OSBPL11: variants seen among roughly 807,000 people sequenced by gnomAD.
OSBPL11 encodes oxysterol-binding protein-related protein 11.
OSBPL11 carries 33 observed loss-of-function variants against 84.4 expected under a neutral mutation model. That is an observed-to-expected ratio of 0.39 (90% CI 0.30 to 0.52). The LOEUF (loss-of-function observed/expected upper bound fraction) is 0.52, where lower values mean the gene tolerates loss of function less well. Ranked by LOEUF, OSBPL11 falls within the 20% of genes least tolerant of loss-of-function variation. The pLI, the probability that OSBPL11 is intolerant of heterozygous loss-of-function variation, is 0.72. For missense variants in OSBPL11, 736 were observed against 901.1 expected (o/e 0.82, Z 2.35); for synonymous variants, 276 against 310.2 (o/e 0.89, Z 1.16).
intron 1 of OSBPL11, among the ~76,000 whole-genome samples, chr3:125,589,525 G>T (rs771974201): frequency 1.3e-5 from 2 of 150,574 alleles, no homozygotes; most frequent in African/African-American, 4.9e-5. Context: ...TCTTTCTCTT[G>T]TTTTTACCAG....
At chr3:125,532,043 A>T (rs1416177237) in intron 11 of OSBPL11, 29 bp from the exon 12 acceptor site, 2 of 1,587,200 alleles carry the variant, frequency 1.3e-6, no homozygotes, top group African/African-American at 2.7e-5. Flanking sequence ...ACATTTTACA[A>T]GCATTCTTTA....
chr3:125,555,564 A>C (rs1326381490), intron 8 of OSBPL11, among the ~76,000 whole-genome samples: 1 of 152,228 alleles, frequency 6.6e-6, no homozygotes, highest in Non-Finnish European at 1.5e-5. Context: ...CAATACCAAG[A>C]CATGATAAAG....
chr3:125,557,151 T>A (rs767705126), intron 8 of OSBPL11, among the ~76,000 whole-genome samples: 1 of 152,194 alleles, frequency 6.6e-6, no homozygotes, highest in South Asian at 2.1e-4. Flanking sequence ...TGTGTTTATA[T>A]AATTTCATAA....
chr3:125,580,366 T>G (rs572353580), intron 2 of OSBPL11, among the ~76,000 whole-genome samples: 1 of 151,744 alleles, frequency 6.6e-6, no homozygotes, highest in East Asian at 1.9e-4. Context: ...AATACAAAAT[T>G]AGCCAGGTGT....
intron 1 of OSBPL11, among the ~76,000 whole-genome samples, chr3:125,585,475 G>C (rs1017073839): frequency 2.0e-5 from 3 of 150,076 alleles, no homozygotes; most frequent in African/African-American, 7.3e-5. Context: ...GTAATGTTCT[G>C]TTTAATTTTC....
Position 125,534,877 on chromosome 3 carries a change from G to A in OSBPL11, c.2025-2863C>T, listed in dbSNP as rs1351866450. On this transcript the variant is annotated intron_variant, in intron 11 of 12. Coordinates refer to ENST00000296220, the MANE Select transcript of OSBPL11 (RefSeq NM_022776.5). ...TGGGAGAGGCTATTTGGTCCACTAA[G>A]GCTAAAATATTAATTGGCCTTTTAC... is the stretch of plus-strand genomic sequence containing the variant. Among the ~76,000 whole-genome samples, 11 of 138,598 alleles carry A rather than the reference G, an allele frequency of 7.9e-5. No individual in the cohort carries two copies. In the Admixed American group the frequency reaches 8.7e-4, roughly 11 times the overall value. The allele number at this position is 138,598 out of a possible 152,430, so 90.9% of individuals were successfully genotyped here.
At chr3:125,569,433 G>T (rs1936211152) in intron 5 of OSBPL11, among the ~76,000 whole-genome samples, 1 of 152,136 alleles carries the variant, frequency 6.6e-6, no homozygotes, top group Non-Finnish European at 1.5e-5. Context: ...AGGTATGATG[G>T]TATCTATTAA....
In OSBPL11 at chr3:125,595,012, A is replaced by C. The variant is rs1936659207; in HGVS notation, c.-212T>G. Reference sequence around the variant, plus strand: ...TGAGAGGGCAGGGGAAGCAACGAGGACAGATATCCTTCACATGTATCTCTC... The same window carrying C: ...TGAGAGGGCAGGGGAAGCAACGAGGCCAGATATCCTTCACATGTATCTCTC... On this transcript the variant is annotated 5_prime_UTR_variant, in exon 1 of 13. Coordinates refer to ENST00000296220, the MANE Select transcript of OSBPL11 (RefSeq NM_022776.5). The C allele has an allele frequency of 1.9e-6, 1 of 533,616 alleles. No individual in the cohort carries two copies. The highest frequency in any genetic ancestry group is 3.1e-5 in the Admixed American group (1 of 31,798). The allele number at this position is 533,616 out of a possible 1,614,324, so 33.1% of individuals were successfully genotyped here.
chr3:125,558,654 C>A (rs1936028625), intron 8 of OSBPL11, among the ~76,000 whole-genome samples: 2 of 152,058 alleles, frequency 1.3e-5, no homozygotes. Flanking sequence ...AGTAAATAAT[C>A]CTACAGTAAT....
intron 1 of OSBPL11, among the ~76,000 whole-genome samples, chr3:125,591,080 T>C (rs1468404099): frequency 6.6e-6 from 1 of 152,210 alleles, no homozygotes; most frequent in Non-Finnish European, 1.5e-5. Flanking sequence ...TTCTGGATAA[T>C]GTAAAGACAA....
intron 1 of OSBPL11, among the ~76,000 whole-genome samples, chr3:125,589,350 A>C (rs1266360916): frequency 6.6e-6 from 1 of 151,696 alleles, no homozygotes; most frequent in Non-Finnish European, 1.5e-5. Context: ...CTCAAAAAAA[A>C]AAAAAAAAAA....
chr3:125,583,576 G>A (rs1033966806), intron 1 of OSBPL11, among the ~76,000 whole-genome samples: 15 of 89,392 alleles, frequency 1.7e-4, no homozygotes, highest in East Asian at 6.9e-4. Flanking sequence ...GTGAGACTCC[G>A]TCTCCAAAAA....
chr3:125,530,509 T>C lies in OSBPL11; in HGVS notation c.*6A>G. The C allele has an allele frequency of 6.2e-7, 1 of 1,612,808 alleles. No homozygotes were observed. The highest frequency in any genetic ancestry group is 8.5e-7 in the Non-Finnish European group (1 of 1,178,852). ...CCTCATTTGGTCGAGTTTTAGATAG[T>C]ATGTGTCACTCTGCTGGTTGTGTTG... On this transcript the variant is annotated 3_prime_UTR_variant, in exon 13 of 13. Coordinates refer to ENST00000296220, the MANE Select transcript of OSBPL11 (RefSeq NM_022776.5).
Position 125,579,982 on chromosome 3 carries a change from T to C in OSBPL11, c.292A>G (p.Arg98Gly). 6.2e-7 allele frequency: 1 copy of C among 1,614,196 alleles called. No homozygotes were observed. Among genetic ancestry groups the C allele is most frequent in the Non-Finnish European group, 8.5e-7 (1 of 1,180,010 alleles). The change falls in exon 3 of 13, where the codon AGA (arginine) becomes GGA (glycine). Residue 98 changes from arginine to glycine, a missense_variant. By Grantham distance (125) the Arg-to-Gly change is moderately radical. Coordinates refer to ENST00000296220, the MANE Select transcript of OSBPL11 (RefSeq NM_022776.5). The part of the protein sequence containing the change: ...LLEYFVNEQS[R>G]NQKPRGTLQL... Reference sequence around the variant, plus strand: ...AAAGTTCCTCTAGGTTTCTGATTTCTAGACTGTTCATTCACAAAGTACTCC... The same window carrying C: ...AAAGTTCCTCTAGGTTTCTGATTTCCAGACTGTTCATTCACAAAGTACTCC...
Position 125,580,024 on chromosome 3 carries a change from T to G in OSBPL11, c.250A>C (p.Asn84His). 6.2e-7 allele frequency: 1 copy of G among 1,606,102 alleles called. No individual in the cohort carries two copies. The highest frequency in any genetic ancestry group is 8.5e-7 in the Non-Finnish European group (1 of 1,177,946). Residue 84 changes from asparagine (N) to histidine (H), a missense_variant, in exon 3 of 13, where the codon AAT (asparagine) becomes CAT (histidine). Asn to His is a moderately conservative substitution (Grantham distance 68, BLOSUM62 1). Coordinates refer to ENST00000296220, the MANE Select transcript of OSBPL11 (RefSeq NM_022776.5). ...GWQYRFFVLN[N>H]EAGLLEYFVN... ...AAGTACTCCAACAGCCCAGCTTCAT[T>G]GTTTAAAACAAAAAACCTGTAATGA...
chr3:125,575,418 G>A (rs1936307696), intron 5 of OSBPL11, among the ~76,000 whole-genome samples: 2 of 151,950 alleles, frequency 1.3e-5, no homozygotes, highest in Non-Finnish European at 2.9e-5. Flanking sequence ...TTAGAGACAG[G>A]TCTTACTATG....
At chr3:125,565,642 T>C (rs901667449) in intron 6 of OSBPL11, among the ~76,000 whole-genome samples, 9 of 152,178 alleles carry the variant, frequency 5.9e-5, no homozygotes, top group African/African-American at 2.2e-4. Flanking sequence ...GGTAGGACAA[T>C]GCATATTTTT....
intron 1 of OSBPL11, among the ~76,000 whole-genome samples, chr3:125,585,598 T>TA (rs1205747774): frequency 5.3e-5 from 8 of 151,968 alleles, no homozygotes; most frequent in African/African-American, 1.9e-4. Flanking sequence ...AGCATAAAGT[T>TA]AGTTTCAAAA....
chr3:125,551,421 G>A (rs534162162), intron 9 of OSBPL11, among the ~76,000 whole-genome samples: 196 of 151,796 alleles, frequency 1.3e-3, no homozygotes, highest in Non-Finnish European at 2.3e-3. Context: ...AGGCATTACA[G>A]AAGCTTTTAT....
Sources: allele counts gnomAD v4.1 joint callset (sites outside exome capture counted in the v4.1 genomes callset), GRCh38; gene constraint gnomAD v4.1.1; transcripts MANE v1.5; gene names NCBI Gene and HGNC (gene_info 2026-07-23, HGNC 2026-07-21).